PHF1: variants seen among roughly 807,000 people sequenced by gnomAD.
PHF1 encodes PHD finger protein 1.
A neutral mutation model predicts 69.4 loss-of-function variants in PHF1; 16 were observed. The observed-to-expected ratio is 0.23, with a 90% CI of 0.16 to 0.35. The LOEUF is 0.35. PHF1 is among the 10% of genes least tolerant of loss of function. The pLI, the probability that PHF1 is intolerant of heterozygous loss-of-function variation, is 1.00. For missense variants in PHF1, 515 were observed against 732.8 expected, an observed-to-expected ratio of 0.70 and a Z score of 3.43; for synonymous variants, 274 against 275.0, an observed-to-expected ratio of 1.00 and a Z score of 0.04.
chr6:33,415,881 C>T lies in PHF1; in HGVS notation c.1487C>T (p.Ser496Leu). ...AGTGCCCCCCACTCGATGACTGCCT[C>T]ATCTTCCTCAGTTTCATCCCCATCC... ...PKSAPHSMTA[S>L]SSSVSSPSPG... is the part of the protein sequence containing the mutation. The change falls in exon 15 of 15, where the codon TCA becomes TTA. Residue 496 changes from serine to leucine, a missense_variant. This residue lies in a region of PHF1 where 274 missense variants were observed against 304.5 expected (regional missense o/e 0.90). Transcript: ENST00000374516. The T allele has an allele frequency of 6.2e-7, 1 of 1,612,482 alleles. No homozygotes were observed. The highest frequency in any genetic ancestry group is 1.1e-5 in the South Asian group (1 of 91,012).
rs143261073 is a variant in PHF1 at position 33,412,422 on chromosome 6, G to A, written c.159G>A (p.Lys53=). The A allele has an allele frequency of 3.7e-6, 6 of 1,614,072 alleles. No homozygotes were observed. Among genetic ancestry groups the A allele is most frequent in the African/African-American group, 2.7e-5 (2 of 74,916 alleles). Residue 53 remains lysine, a splice_region_variant and synonymous_variant, in exon 2 of 15, where the codon AAG becomes AAA. Transcript: ENST00000374516. This position sits in a 1 kb window ranked among gnomAD's most constrained non-coding sequence, Gnocchi z 4.2. ...TGCTATACTTGGGTACCATCAAAAAGGTAAGACCTTCTACCTCTGACCTTC... is the reference window on the plus strand; with the variant it reads ...TGCTATACTTGGGTACCATCAAAAAAGTAAGACCTTCTACCTCTGACCTTC... ...DGLLYLGTIK[K]VDSAREVCLV...
At chr6:33,411,371 T>A (rs1298871227) in intron 1 of PHF1, among the ~76,000 whole-genome samples, 156 bp downstream of exon 1, 2 of 151,886 alleles carry the variant, frequency 1.3e-5, no homozygotes, top group Non-Finnish European at 2.9e-5. Flanking sequence ...AGACCGGGAC[T>A]GGGACACGCC....
Position 33,412,838 on chromosome 6 carries a change from C to A in PHF1, c.337+45C>A. ...GAATGGTCCAGCTTGCTCTTCCCTCCAGGATGGTCTCTATATCACCTGTCC... is the reference window on the plus strand; with the variant it reads ...GAATGGTCCAGCTTGCTCTTCCCTCAAGGATGGTCTCTATATCACCTGTCC... On this transcript the variant is annotated intron_variant, in intron 4 of 14. Coordinates refer to ENST00000374516, the MANE Select transcript of PHF1 (RefSeq NM_024165.3). This position sits in a 1 kb window ranked among gnomAD's most constrained non-coding sequence, Gnocchi z 4.2. 1.3e-6 allele frequency: 2 copies of A among 1,503,480 alleles called. No individual in the cohort carries two copies. The highest frequency in any genetic ancestry group is 1.9e-6 in the Non-Finnish European group (2 of 1,079,792). 93.1% of individuals were successfully genotyped at this position (1,503,480 alleles called of 1,614,324 possible). A position where few individuals can be genotyped will look rare whatever the true frequency, so the allele number is the denominator to read the frequency against.
At chr6:33,411,385 C>T (rs1018535849) in intron 1 of PHF1, among the ~76,000 whole-genome samples, 170 bp downstream of exon 1, 2 of 152,206 alleles carry the variant, frequency 1.3e-5, no homozygotes, top group African/African-American at 4.8e-5. Context: ...ACACGCCCCC[C>T]TCCCGGGGCA....
chr6:33,413,602 G>C (rs376261767), intron 6 of PHF1, 45 bp downstream of exon 6: 4 of 1,612,254 alleles, frequency 2.5e-6, no homozygotes, highest in South Asian at 1.1e-5. Flanking sequence ...ATGATGTGGT[G>C]GTGGATCCCA....
chr6:33,414,935 GA>G lies in PHF1; in HGVS notation c.1050-19del. The G allele has an allele frequency of 2.0e-6, 3 of 1,516,240 alleles. No homozygotes were observed. The highest frequency in any genetic ancestry group is 1.8e-6 in the Non-Finnish European group (2 of 1,128,738). 93.9% of individuals were successfully genotyped at this position (1,516,240 alleles called of 1,614,324 possible). A position where few individuals can be genotyped will look rare whatever the true frequency, so the allele number is the denominator to read the frequency against. On this transcript the variant is annotated intron_variant, in intron 11 of 14. Coordinates refer to ENST00000374516, the MANE Select transcript of PHF1 (RefSeq NM_024165.3). The surrounding 1 kb of genome is among the most constrained non-coding windows in gnomAD (Gnocchi z 5.0). The stretch of plus-strand genomic sequence containing the variant: ...GGGGTGTCCGGGAGGGGGCTGGGGG[GA>G]TAAGGAGGCCTCTTACAGCTTCCCT...
At position 33,414,179 on chromosome 6, in the gene PHF1, C is replaced by T; in HGVS notation, c.753-64C>T. The T allele has an allele frequency of 6.2e-7, 1 of 1,613,856 alleles. No individual in the cohort carries two copies. The highest frequency in any genetic ancestry group is 8.5e-7 in the Non-Finnish European group (1 of 1,179,766). Reference sequence around the variant, plus strand: ...TATTTCACTCTATATGCCCCAACCTCCCACCTCAGGACTCCCCTGGCTCTT... The same window carrying T: ...TATTTCACTCTATATGCCCCAACCTTCCACCTCAGGACTCCCCTGGCTCTT... On this transcript the variant is annotated intron_variant, in intron 8 of 14. Transcript: ENST00000374516. This position sits in a 1 kb window ranked among gnomAD's most constrained non-coding sequence, Gnocchi z 5.0.
At chr6:33,413,950 A>G in intron 7 of PHF1, 91 bp from the exon 8 acceptor site, 1 of 1,556,654 alleles carries the variant, frequency 6.4e-7, no homozygotes, top group Non-Finnish European at 8.9e-7. Flanking sequence ...GCGTTACCTC[A>G]CCTGTTTGCC....
In PHF1 at chr6:33,412,352, G is replaced by C; in HGVS notation, c.89G>C (p.Arg30Pro). 6.2e-7 allele frequency: 1 copy of C among 1,614,160 alleles called. No homozygotes were observed. Among genetic ancestry groups the C allele is most frequent in the Non-Finnish European group, 8.5e-7 (1 of 1,180,020 alleles). Residue 30 changes from arginine to proline, a missense_variant, in exon 2 of 15, where the codon CGG (arginine) becomes CCG (proline). By Grantham distance (103) the Arg-to-Pro change is moderately radical (BLOSUM62 -2). Around this residue, in one of 5 missense-constraint regions of PHF1, gnomAD observed 52 missense variants for 48.2 expected, o/e 1.08. Transcript: ENST00000374516. The surrounding 1 kb of genome is among the most constrained non-coding windows in gnomAD (Gnocchi z 4.2). ...SPAPTSGPRP[R>P]LWEGQDVLAR... ...GCTCCCACCTCTGGCCCCAGGCCTC[G>C]GCTTTGGGAGGGTCAAGATGTGCTG...
intron 4 of PHF1, 80 bp from the exon 5 acceptor site, chr6:33,413,116 T>G: frequency 1.4e-5 from 17 of 1,219,982 alleles, no homozygotes; most frequent in Non-Finnish European, 1.7e-5. Flanking sequence ...AGGGATTAAA[T>G]GAGATGGGTA....
At chr6:33,413,962 C>T (rs911130972) in intron 7 of PHF1, 79 bp from the exon 8 acceptor site, 8 of 1,583,234 alleles carry the variant, frequency 5.1e-6, no homozygotes, top group Non-Finnish European at 6.9e-6. Flanking sequence ...CTGTTTGCCC[C>T]GTCCTTGCTT....
chr6:33,411,873 G>C (rs529162448), intron 1 of PHF1, among the ~76,000 whole-genome samples: 7 of 152,286 alleles, frequency 4.6e-5, no homozygotes, highest in African/African-American at 1.4e-4. Context: ...AAAGAAAATG[G>C]GGAGGCTGGC....
At position 33,413,672 on chromosome 6, in the gene PHF1, A is replaced by C; in HGVS notation, c.588-64A>C. 3.1e-6 allele frequency: 5 copies of C among 1,599,206 alleles called. No individual in the cohort carries two copies. In the Admixed American group the frequency reaches 8.4e-5, roughly 27 times the overall value. On this transcript the variant is annotated intron_variant, in intron 6 of 14. Transcript: ENST00000374516. ...ACTCAGGGGGATAGGAGGTAAGTTT[A>C]GGGTTTGGGACAGTTATGGGGAAGG...
chr6:33,412,865 G>C lies in PHF1; in HGVS notation c.337+72G>C. ...GGATGGTCTCTATATCACCTGTCCT[G>C]GCCTTAGTCCCCAAGCCACTGCTCT... On this transcript the variant is annotated intron_variant, in intron 4 of 14. Coordinates refer to ENST00000374516, the MANE Select transcript of PHF1 (RefSeq NM_024165.3). This position sits in a 1 kb window ranked among gnomAD's most constrained non-coding sequence, Gnocchi z 4.2. The C allele has an allele frequency of 7.8e-7, 1 of 1,284,016 alleles. No homozygotes were observed. Among genetic ancestry groups the C allele is most frequent in the Admixed American group, 1.7e-5 (1 of 58,488 alleles). The allele number at this position is 1,284,016 out of a possible 1,614,324, so 79.5% of individuals were successfully genotyped here.
intron 13 of PHF1, 119 bp downstream of exon 13, chr6:33,415,448 C>A: frequency 8.1e-7 from 1 of 1,229,416 alleles, no homozygotes; most frequent in Non-Finnish European, 1.2e-6. Context: ...TTGGCCTAGA[C>A]CGACTTCTAG....
At chr6:33,415,567 G>GCTTC (rs1776408384) in intron 13 of PHF1, 23 bp from the exon 14 acceptor site, 1 of 1,613,152 alleles carries the variant, frequency 6.2e-7, no homozygotes, top group African/African-American at 1.3e-5. Flanking sequence ...TTCAGGTCCT[G>GCTTC]ACTTTCCCCA....
chr6:33,411,145 C>G lies in PHF1; in HGVS notation c.-87C>G, dbSNP rs1776023227. The G allele has an allele frequency of 6.6e-6, 1 of 152,050 alleles. No individual in the cohort carries two copies. Among genetic ancestry groups the G allele is most frequent in the Non-Finnish European group, 1.5e-5 (1 of 68,060 alleles). The allele number at this position is 152,050 out of a possible 1,614,324, so 9.4% of individuals were successfully genotyped here. A position where few individuals can be genotyped will look rare whatever the true frequency, so the allele number is the denominator to read the frequency against. Reference sequence around the variant, plus strand: ...CCCCCCACGCCCGGACGTGCCCTCTCCGCGCGGGGGACTCGCCTAGGTCTC... The same window carrying G: ...CCCCCCACGCCCGGACGTGCCCTCTGCGCGCGGGGGACTCGCCTAGGTCTC... On this transcript the variant is annotated 5_prime_UTR_variant, in exon 1 of 15. Coordinates refer to ENST00000374516, the MANE Select transcript of PHF1 (RefSeq NM_024165.3).
chr6:33,414,142 T>G lies in PHF1; in HGVS notation c.752+33T>G. 6.2e-7 allele frequency: 1 copy of G among 1,613,952 alleles called. No homozygotes were observed. Among genetic ancestry groups the G allele is most frequent in the Non-Finnish European group, 8.5e-7 (1 of 1,179,876 alleles). On this transcript the variant is annotated intron_variant, in intron 8 of 14. Transcript: ENST00000374516. The surrounding 1 kb of genome is among the most constrained non-coding windows in gnomAD (Gnocchi z 5.0). ...GGATTGGGCATGACCTCAGTGTAAC[T>G]CCACACCACAGTATTTCACTCTATA...
intron 7 of PHF1, 54 bp downstream of exon 7, chr6:33,413,885 C>G (rs1776253931): frequency 2.6e-6 from 4 of 1,555,636 alleles, no homozygotes; most frequent in Non-Finnish European, 2.7e-6. Flanking sequence ...TCTTCGTGTT[C>G]CACCCTCAGT....
Sources: allele counts gnomAD v4.1 joint callset (sites outside exome capture counted in the v4.1 genomes callset), GRCh38; gene constraint gnomAD v4.1.1; regional missense constraint gnomAD v4.1.1; non-coding constraint Gnocchi (gnomAD v3.1); transcripts MANE v1.5; gene names NCBI Gene and HGNC (gene_info 2026-07-23, HGNC 2026-07-21).